SLIT3: variants seen among roughly 807,000 people sequenced by gnomAD.
SLIT3 encodes slit homolog 3 protein.
SLIT3 carries 68 observed loss-of-function variants against 184.0 expected under a neutral mutation model. The observed-to-expected ratio is 0.37, with a 90% CI of 0.30 to 0.45. SLIT3 has a LOEUF of 0.45. SLIT3 is among the 20% of genes least tolerant of loss of function. SLIT3 has a pLI of 1.00. For missense variants in SLIT3, 1,707 were observed against 2,026.0 expected (o/e 0.84, Z 3.02); for synonymous variants, 831 against 828.6 (o/e 1.00, Z -0.05).
chr5:168,982,356 C>T (rs1754977814), intron 4 of SLIT3, among the ~76,000 whole-genome samples: 2 of 152,150 alleles, frequency 1.3e-5, no homozygotes, highest in South Asian at 4.1e-4. Context: ...TCAGCTCTCT[C>T]TCCATGTGAT....
chr5:168,755,999 A>C (rs1754936329), intron 16 of SLIT3, among the ~76,000 whole-genome samples: 1 of 152,226 alleles, frequency 6.6e-6, no homozygotes, highest in Non-Finnish European at 1.5e-5. Context: ...AGCTCAGGGG[A>C]GAGTCCAGCC....
At position 169,276,895 on chromosome 5, in the gene SLIT3, A is replaced by G. The variant is rs1766825272; in HGVS notation, c.197+23618T>C. On this transcript the variant is annotated intron_variant, in intron 1 of 35. Coordinates refer to ENST00000519560, the MANE Select transcript of SLIT3 (RefSeq NM_003062.4). The stretch of plus-strand genomic sequence containing the variant: ...GTTTCTCTTGTGATGAGATTTTTTA[A>G]AACTGTAAAATCTACATCATATAAG... Among the ~76,000 whole-genome samples the G allele has an allele frequency of 1.3e-5, 2 of 152,328 alleles. 1 individual carries two copies. Among genetic ancestry groups the G allele is most frequent in the Middle Eastern group, 6.8e-3 (2 of 294 alleles).
intron 3 of SLIT3, among the ~76,000 whole-genome samples, chr5:169,221,636 C>A (rs919113558): frequency 2.0e-5 from 3 of 152,196 alleles, no homozygotes; most frequent in Admixed American, 2.0e-4. Context: ...TACCCCAGCT[C>A]CTCTCAGGTG....
At chr5:169,049,711 A>G (rs1382100072) in intron 4 of SLIT3, among the ~76,000 whole-genome samples, 2 of 152,352 alleles carry the variant, frequency 1.3e-5, no homozygotes, top group East Asian at 1.9e-4. Context: ...GACAAGTGAC[A>G]TTAAGATACA....
Position 168,692,034 on chromosome 5 carries a change from G to A in SLIT3, c.3176+573C>T, listed in dbSNP as rs936021912. On this transcript the variant is annotated intron_variant, in intron 29 of 35. Coordinates refer to ENST00000519560, the MANE Select transcript of SLIT3 (RefSeq NM_003062.4). ...TCCATCCACCCTTAGGGCTGCTCACGTGCTCCCCTGGCTCCTATGGGCTCT... is the reference window on the plus strand; with the variant it reads ...TCCATCCACCCTTAGGGCTGCTCACATGCTCCCCTGGCTCCTATGGGCTCT... 3.9e-5 allele frequency among the ~76,000 whole-genome samples: 6 copies of A among 152,188 alleles called. No homozygotes were observed. The East Asian group carries it at 1.2e-3, about 29-fold the overall frequency.
Position 168,944,804 on chromosome 5 carries a change from C to G in SLIT3, c.414-61468G>C, listed in dbSNP as rs113037328. ...TGTGGGCTTGCCATCCCCTAAGCTACTTCGTATGGTGACTTGATGGCTCTT... is the reference window on the plus strand; with the variant it reads ...TGTGGGCTTGCCATCCCCTAAGCTAGTTCGTATGGTGACTTGATGGCTCTT... On this transcript the variant is annotated intron_variant, in intron 4 of 35. Coordinates refer to ENST00000519560, the MANE Select transcript of SLIT3 (RefSeq NM_003062.4). Among the ~76,000 whole-genome samples, 836 of 152,294 alleles carry G rather than the reference C, an allele frequency of 5.5e-3. 8 individuals carry two copies. Among genetic ancestry groups the G allele is most frequent in the African/African-American group, 0.018 (768 of 41,554 alleles).
At chr5:168,698,306 ATTAG>A (rs1762118599) in intron 27 of SLIT3, among the ~76,000 whole-genome samples, 1 of 152,206 alleles carries the variant, frequency 6.6e-6, no homozygotes, top group African/African-American at 2.4e-5. Flanking sequence ...TGCAGATGTA[ATTAG>A]TTAAGTTGAG....
At chr5:168,953,523 A>G (rs1762728966) in intron 4 of SLIT3, among the ~76,000 whole-genome samples, 1 of 152,230 alleles carries the variant, frequency 6.6e-6, no homozygotes, top group Non-Finnish European at 1.5e-5. Context: ...AAATAGGAAC[A>G]CACAGCTGGT....
chr5:168,796,724 G>A (rs1384577764), intron 9 of SLIT3, among the ~76,000 whole-genome samples: 1 of 152,164 alleles, frequency 6.6e-6, no homozygotes, highest in African/African-American at 2.4e-5. Context: ...GTAGAGTGGG[G>A]GAGACAGTCG....
chr5:168,993,450 T>C (rs1755400518), intron 4 of SLIT3, among the ~76,000 whole-genome samples: 1 of 152,146 alleles, frequency 6.6e-6, no homozygotes, highest in African/African-American at 2.4e-5. Context: ...GGAGACCCAC[T>C]ACACAGATGT....
intron 1 of SLIT3, among the ~76,000 whole-genome samples, chr5:169,266,674 G>A (rs1208140062): frequency 6.6e-6 from 1 of 152,144 alleles, no homozygotes; most frequent in Non-Finnish European, 1.5e-5. Context: ...ATATTGTTTT[G>A]TTACTGATAT....
At position 169,222,427 on chromosome 5, in the gene SLIT3, TA is replaced by T. The variant is rs1764644218; in HGVS notation, c.341+22277del. On this transcript the variant is annotated intron_variant, in intron 3 of 35. Transcript: ENST00000519560. Reference sequence around the variant, plus strand: ...TCTTTATATTTCCCACCATTGCTAGTAAAGAATCGTACACACAGTACATGCT... The same window carrying T: ...TCTTTATATTTCCCACCATTGCTAGTAAGAATCGTACACACAGTACATGCT... 3.3e-5 allele frequency among the ~76,000 whole-genome samples: 5 copies of T among 152,314 alleles called. No homozygotes were observed. In the South Asian group the frequency reaches 1.0e-3, roughly 32 times the overall value.
At chr5:169,059,640 C>T (rs1044582238) in intron 4 of SLIT3, among the ~76,000 whole-genome samples, 2 of 152,178 alleles carry the variant, frequency 1.3e-5, no homozygotes, top group African/African-American at 4.8e-5. Context: ...AAAATGGTTG[C>T]CAACATTTTA....
At chr5:168,781,143 A>G (rs575359804) in intron 12 of SLIT3, among the ~76,000 whole-genome samples, 1 of 152,330 alleles carries the variant, frequency 6.6e-6, no homozygotes, top group South Asian at 2.1e-4. Context: ...CCTGTCTGAA[A>G]AACAAGACCT....
chr5:168,704,305 A>C (rs1762312683), intron 26 of SLIT3, among the ~76,000 whole-genome samples: 1 of 138,732 alleles, frequency 7.2e-6, no homozygotes, highest in African/African-American at 3.5e-5. Context: ...TAATGGCAAA[A>C]TACTGACCCT....
intron 1 of SLIT3, among the ~76,000 whole-genome samples, chr5:169,295,645 G>A (rs946343681): frequency 3.9e-5 from 6 of 152,176 alleles, no homozygotes; most frequent in African/African-American, 9.7e-5. Context: ...CTTAGGGGTC[G>A]GGAACCTTCT....
rs372485234 is a variant in SLIT3, at chr5:169,006,605, TCACACACACA to T, written c.414-123279_414-123270del. 2.0e-4 allele frequency among the ~76,000 whole-genome samples: 29 copies of T among 145,876 alleles called. No individual in the cohort carries two copies. In the East Asian group the frequency reaches 3.6e-3, roughly 18 times the overall value. ...CTCTCTCTCTCTCTCTCTCTCTCTC[TCACACACACA>T]CACACACACACACACAACTCTCCAA... On this transcript the variant is annotated intron_variant, in intron 4 of 35. Transcript: ENST00000519560.
intron 4 of SLIT3, among the ~76,000 whole-genome samples, chr5:168,944,609 A>T (rs1366133514): frequency 6.6e-6 from 1 of 152,112 alleles, no homozygotes; most frequent in East Asian, 1.9e-4. Flanking sequence ...TTGGGGTAGT[A>T]GGCCCAAAAA....
intron 4 of SLIT3, among the ~76,000 whole-genome samples, chr5:169,041,535 C>T (rs1343029449): frequency 6.6e-6 from 1 of 152,228 alleles, no homozygotes; most frequent in African/African-American, 2.4e-5. Context: ...GCGCTCTCAG[C>T]ACTTACACTA....
Sources: allele counts gnomAD v4.1 joint callset (sites outside exome capture counted in the v4.1 genomes callset), GRCh38; gene constraint gnomAD v4.1.1; transcripts MANE v1.5; gene names NCBI Gene and HGNC (gene_info 2026-07-23, HGNC 2026-07-21).